The following GALNTL6 variants were observed in gnomAD, a reference collection of about 807,000 sequenced individuals.
The protein encoded by GALNTL6 is polypeptide N-acetylgalactosaminyltransferase-like 6.
GALNTL6 carries 46 observed loss-of-function variants against 73.7 expected under a neutral mutation model. The ratio of observed to expected loss-of-function variants is 0.62; its 90% CI spans 0.49 to 0.80. The LOEUF is 0.80. Ranked by LOEUF, GALNTL6 falls within the 30% of genes least tolerant of loss-of-function variation. The pLI, the probability that GALNTL6 is intolerant of heterozygous loss-of-function variation, is 0.00. For missense variants in GALNTL6, 604 were observed against 755.0 expected, an observed-to-expected ratio of 0.80 and a Z score of 2.34; for synonymous variants, 259 against 263.7, an observed-to-expected ratio of 0.98 and a Z score of 0.17.
chr4:172,782,859 C>T (rs527380302), intron 5 of GALNTL6, among the ~76,000 whole-genome samples: 1 of 151,972 alleles, frequency 6.6e-6, no homozygotes, highest in Admixed American at 6.6e-5. Context: ...TAGCACTTAC[C>T]ATTACTATGA....
chr4:173,031,642 G>A (rs1753465481), intron 12 of GALNTL6, among the ~76,000 whole-genome samples: 1 of 152,150 alleles, frequency 6.6e-6, no homozygotes, highest in Non-Finnish European at 1.5e-5. Flanking sequence ...GAGAGAGAGA[G>A]AAACTCTGGG....
intron 8 of GALNTL6, among the ~76,000 whole-genome samples, chr4:172,890,480 G>T (rs1433994407): frequency 1.3e-5 from 2 of 152,056 alleles, no homozygotes; most frequent in Non-Finnish European, 2.9e-5. Flanking sequence ...AGTTGTTTAG[G>T]TTCCATGTAA....
intron 5 of GALNTL6, among the ~76,000 whole-genome samples, chr4:172,466,274 G>A (rs1293530407): frequency 6.6e-6 from 1 of 151,934 alleles, no homozygotes; most frequent in East Asian, 1.9e-4. Context: ...ATTTATTTTT[G>A]AAAATGTACA....
chr4:172,659,511 C>A (rs1731260211), intron 5 of GALNTL6, among the ~76,000 whole-genome samples: 1 of 151,990 alleles, frequency 6.6e-6, no homozygotes, highest in Non-Finnish European at 1.5e-5. Context: ...CTTTAAGCAG[C>A]CCCTCTTTAT....
At chr4:171,895,558 G>A (rs7696529) in intron 2 of GALNTL6, among the ~76,000 whole-genome samples, 85,859 of 151,792 alleles carry the variant, frequency 0.57, 25,465 homozygotes, top group African/African-American at 0.76. Flanking sequence ...ACTAAGACAA[G>A]ACAAAACTAA....
At chr4:172,942,568 G>T (rs888672038) in intron 9 of GALNTL6, among the ~76,000 whole-genome samples, 2 of 152,176 alleles carry the variant, frequency 1.3e-5, no homozygotes, top group African/African-American at 4.8e-5. Flanking sequence ...ACACCATTCA[G>T]ATTGTCCCCC....
intron 10 of GALNTL6, among the ~76,000 whole-genome samples, chr4:172,958,777 G>A (rs1316471809): frequency 1.3e-5 from 2 of 152,192 alleles, no homozygotes; most frequent in Non-Finnish European, 1.5e-5. Context: ...CCTGATGGAT[G>A]TCAGGGTCAG....
intron 7 of GALNTL6, among the ~76,000 whole-genome samples, chr4:172,872,539 A>G (rs1745000022): frequency 1.3e-5 from 2 of 152,252 alleles, no homozygotes; most frequent in Admixed American, 1.3e-4. Context: ...CTTTAAATAA[A>G]GAAAAATGCA....
intron 5 of GALNTL6, among the ~76,000 whole-genome samples, chr4:172,758,741 C>G (rs1737896735): frequency 6.6e-6 from 1 of 152,158 alleles, no homozygotes; most frequent in Non-Finnish European, 1.5e-5. Context: ...CTTTGTCCTA[C>G]CCAGGACATG....
intron 2 of GALNTL6, among the ~76,000 whole-genome samples, chr4:172,216,347 A>G (rs1464614934): frequency 6.6e-6 from 1 of 151,506 alleles, no homozygotes; most frequent in Non-Finnish European, 1.5e-5. Context: ...TTTTCTTTCA[A>G]TATGTTCAAT....
intron 2 of GALNTL6, among the ~76,000 whole-genome samples, chr4:172,009,508 C>T (rs1740939749): frequency 6.6e-6 from 1 of 152,094 alleles, no homozygotes; most frequent in Admixed American, 6.6e-5. Context: ...TATCTGTAAA[C>T]AAATCTGAAT....
In GALNTL6 at chr4:171,940,035, G is replaced by A. The variant is rs563651808; in HGVS notation, c.138+125317G>A. On this transcript the variant is annotated intron_variant, in intron 2 of 12. Coordinates refer to ENST00000506823, the MANE Select transcript of GALNTL6 (RefSeq NM_001034845.3). ...TTTTTTAACTCACTGTACGGTCTTC[G>A]ACAAATCACTTTACTTGTATGAATG... is the stretch of plus-strand genomic sequence containing the variant. Among the ~76,000 whole-genome samples, 16 of 151,996 alleles carry A rather than the reference G, an allele frequency of 1.1e-4. No homozygotes were observed. In the South Asian group the frequency reaches 2.5e-3, roughly 24 times the overall value.
intron 5 of GALNTL6, among the ~76,000 whole-genome samples, chr4:172,746,952 A>G (rs1737140170): frequency 6.6e-6 from 1 of 151,976 alleles, no homozygotes; most frequent in Non-Finnish European, 1.5e-5. Context: ...AATCCTAAAG[A>G]CTCCACCTAA....
At chr4:171,891,324 G>A (rs17517137) in intron 2 of GALNTL6, among the ~76,000 whole-genome samples, 3,910 of 152,288 alleles carry the variant, frequency 0.026, 87 homozygotes, top group Non-Finnish European at 0.04. Context: ...TGGAGCCAGC[G>A]TTCTTGGAGT....
intron 2 of GALNTL6, among the ~76,000 whole-genome samples, chr4:171,966,564 T>C (rs1338630382): frequency 2.0e-5 from 3 of 152,164 alleles, no homozygotes; most frequent in African/African-American, 4.8e-5. Context: ...GTATTTATAG[T>C]CTGCTGAAGT....
intron 2 of GALNTL6, among the ~76,000 whole-genome samples, chr4:171,899,083 G>GTATTTATTAATACTAAATAAAAATTTAT: frequency 6.6e-6 from 1 of 151,210 alleles, no homozygotes. Context: ...CTTTTATTTA[G>GTATTTATTAATACTAAATAAAAATTTAT]TATTTATTAA....
intron 5 of GALNTL6, among the ~76,000 whole-genome samples, chr4:172,617,625 C>G (rs565195059): frequency 5.9e-5 from 9 of 151,702 alleles, no homozygotes; most frequent in Non-Finnish European, 1.2e-4. Flanking sequence ...TACAGGCGCC[C>G]GCCACCACGC....
intron 2 of GALNTL6, among the ~76,000 whole-genome samples, chr4:171,866,472 T>A (rs180682619): frequency 1.3e-5 from 2 of 152,296 alleles, no homozygotes; most frequent in African/African-American, 4.8e-5. Flanking sequence ...AATTATCTCA[T>A]AGGAAAGTTT....
At chr4:171,913,714 T>C (rs1737536600) in intron 2 of GALNTL6, among the ~76,000 whole-genome samples, 3 of 152,230 alleles carry the variant, frequency 2.0e-5, no homozygotes, top group South Asian at 4.1e-4. Context: ...GCTGTTGCTA[T>C]CGTTGAAACA....
Sources: allele counts gnomAD v4.1 joint callset (sites outside exome capture counted in the v4.1 genomes callset), GRCh38; gene constraint gnomAD v4.1.1; transcripts MANE v1.5; gene names NCBI Gene and HGNC (gene_info 2026-07-23, HGNC 2026-07-21).